The following SEMA4G variants were observed in gnomAD, a reference collection of about 807,000 sequenced individuals.
SEMA4G encodes the protein semaphorin-4G.
SEMA4G carries 59 observed loss-of-function variants against 81.2 expected under a neutral mutation model. The observed-to-expected ratio is 0.73, with a 90% CI of 0.59 to 0.90. SEMA4G has a LOEUF of 0.90. Among genes scored for constraint, SEMA4G ranks in the 40% least tolerant of loss-of-function variants. SEMA4G has a pLI of 0.00. For missense variants in SEMA4G, 952 were observed against 1,102.3 expected (o/e 0.86, Z 1.93); for synonymous variants, 404 against 433.9 (o/e 0.93, Z 0.86).
intron 8 of SEMA4G, 48 bp from the exon 10 acceptor site, chr10:100,979,800 G>C (rs1285527096): frequency 6.2e-7 from 1 of 1,604,468 alleles, no homozygotes; most frequent in African/African-American, 1.3e-5. Flanking sequence ...TTGGGGGGCA[G>C]GCTTGACTCC....
chr10:100,984,047 C>T (rs376187099), exon 14 of SEMA4G: 2 of 1,613,726 alleles, frequency 1.2e-6, no homozygotes, highest in East Asian at 4.5e-5. Flanking sequence ...CAGGGCCCTG[C>T]TCCTTCGCCG....
At chr10:100,981,625 C>T in intron 13 of SEMA4G, 5 of 1,505,756 alleles carry the variant, frequency 3.3e-6, no homozygotes, top group Non-Finnish European at 4.6e-6. Flanking sequence ...CTAAATACTT[C>T]TATGCATGAT....
chr10:100,982,879 G>T (rs74154245), intron 13 of SEMA4G, among the ~76,000 whole-genome samples: 1 of 152,246 alleles, frequency 6.6e-6, no homozygotes, highest in Non-Finnish European at 1.5e-5. Flanking sequence ...GGCTGGTGGT[G>T]CCATTCACAG....
rs1851060573 is a variant in SEMA4G at position 100,981,308 on chromosome 10, TTGTATC to T, written c.1690+82_1690+87del. 8.1e-6 allele frequency: 13 copies of T among 1,598,148 alleles called. No homozygotes were observed. In the South Asian group the frequency reaches 1.4e-4, roughly 18 times the overall value. On this transcript the variant is annotated intron_variant, in intron 13 of 13. Coordinates refer to ENST00000370250, the Ensembl canonical transcript of SEMA4G. Reference sequence around the variant, plus strand: ...TTTACTGCCATGTGTACGTATATGTTTGTATCTGAGTGGCTGTGGCTATGTACATTT... The same window carrying T: ...TTTACTGCCATGTGTACGTATATGTTTGAGTGGCTGTGGCTATGTACATTT...
rs567995095 is a variant in SEMA4G at position 100,984,599 on chromosome 10, C to T, written c.*468C>T. On this transcript the variant is annotated 3_prime_UTR_variant, in exon 14 of 14. Transcript: ENST00000370250. ...ACCTCTGCCAGCCACCTAAGCCCTGCGTACATTCACATGCACACATGGAAG... is the reference window on the plus strand; with the variant it reads ...ACCTCTGCCAGCCACCTAAGCCCTGTGTACATTCACATGCACACATGGAAG... 727 of 1,536,236 alleles carry T rather than the reference C, an allele frequency of 4.7e-4. 11 individuals are homozygous for T. In the South Asian group the frequency reaches 7.9e-3, roughly 17 times the overall value.
intron 4 of SEMA4G, 192 bp from the exon 6 acceptor site, chr10:100,978,103 C>G: frequency 1.7e-6 from 1 of 591,564 alleles, no homozygotes; most frequent in Non-Finnish European, 3.0e-6. Flanking sequence ...AGATTTGGAA[C>G]TCCAAACATA....
At chr10:100,982,381 T>C (rs1190030090) in intron 13 of SEMA4G, among the ~76,000 whole-genome samples, 2 of 152,216 alleles carry the variant, frequency 1.3e-5, no homozygotes, top group East Asian at 3.8e-4. Context: ...GTTTTTAAAA[T>C]ACCTCTCATG....
exon 6 of SEMA4G, chr10:100,978,630 T>A (rs1184542680): frequency 6.2e-7 from 1 of 1,613,524 alleles, no homozygotes; most frequent in Non-Finnish European, 8.5e-7. Flanking sequence ...CACCAATGCA[T>A]TGGCTCAATG....
rs140405167 is a variant in SEMA4G at position 100,983,761 on chromosome 10, G to A, written c.2147G>A (p.Arg716Gln). The A allele has an allele frequency of 2.4e-4, 390 of 1,610,672 alleles. No individual in the cohort carries two copies. In the African/African-American group the frequency reaches 4.1e-3, roughly 17 times the overall value. ...CGCCGACGGAAATACTCACTGGGTC[G>A]GGCCAGCCGGGCAGGAGGATCTGCG... Residue 716 changes from arginine to glutamine, a missense_variant, in exon 14 of 14, where the codon CGG (arginine) becomes CAG (glutamine). By Grantham distance (43) the Arg-to-Gln change is conservative (BLOSUM62 1). This residue lies in a region of SEMA4G where 385 missense variants were observed against 413.5 expected (regional missense o/e 0.93). Transcript: ENST00000370250.
upstream of SEMA4G, among the ~76,000 whole-genome samples, chr10:100,971,648 A>G (rs1203638080): frequency 1.3e-5 from 2 of 151,950 alleles, no homozygotes; most frequent in Non-Finnish European, 2.9e-5. Context: ...GTCTCTCCAC[A>G]CCTCACCCAG....
upstream of SEMA4G, among the ~76,000 whole-genome samples, chr10:100,970,872 C>T (rs142914990): frequency 1.8e-4 from 28 of 152,278 alleles, no homozygotes; most frequent in African/African-American, 6.3e-4. Context: ...GTATAGGACC[C>T]TCCTGTTGAA....
Position 100,984,307 on chromosome 10 carries a change from T to C in SEMA4G, c.*176T>C, listed in dbSNP as rs962745699. On this transcript the variant is annotated 3_prime_UTR_variant, in exon 14 of 14. Coordinates refer to ENST00000370250, the Ensembl canonical transcript of SEMA4G. Reference sequence around the variant, plus strand: ...GGCCCAGCCAAAGCCCCCTCCTCAGTCTCCACAGACCCACATGTGAGCAGC... The same window carrying C: ...GGCCCAGCCAAAGCCCCCTCCTCAGCCTCCACAGACCCACATGTGAGCAGC... The C allele has an allele frequency of 2.8e-6, 4 of 1,438,890 alleles. No individual in the cohort carries two copies. The South Asian group carries it at 4.5e-5, about 16-fold the overall frequency. The allele number at this position is 1,438,890 out of a possible 1,614,324, so 89.1% of individuals were successfully genotyped here.
At chr10:100,978,453 C>T in intron 5 of SEMA4G, 65 bp downstream of exon 6, 5 of 1,594,006 alleles carry the variant, frequency 3.1e-6, no homozygotes, top group Non-Finnish European at 4.3e-6. Context: ...ATCTCTAGGA[C>T]CTGCCACCAT....
intron 6 of SEMA4G, 69 bp from the exon 8 acceptor site, chr10:100,978,780 T>A: frequency 6.3e-7 from 1 of 1,579,110 alleles, no homozygotes; most frequent in East Asian, 2.2e-5. Flanking sequence ...AAGTGAGGGG[T>A]CAGCCTCAGA....
intron 13 of SEMA4G, 33 bp from the exon 15 acceptor site, chr10:100,983,272 G>A (rs762707018): frequency 9.3e-5 from 139 of 1,490,860 alleles, no homozygotes; most frequent in Non-Finnish European, 1.2e-4. Flanking sequence ...TCCTGGGACG[G>A]GCTGGTACTG....
upstream of SEMA4G, among the ~76,000 whole-genome samples, chr10:100,970,080 G>A (rs1333795531): frequency 6.6e-6 from 1 of 152,116 alleles, no homozygotes; most frequent in African/African-American, 2.4e-5. Context: ...TGGGATGAAG[G>A]TCGAGAGCCT....
chr10:100,975,030 A>G (rs1243718629), intron 3 of SEMA4G: 1 of 534,368 alleles, frequency 1.9e-6, no homozygotes, highest in Non-Finnish European at 3.8e-6. Flanking sequence ...TCCGTTTAAA[A>G]AGGCATCTCC....
At chr10:100,978,806 C>T (rs1850917503) in intron 6 of SEMA4G, 43 bp from the exon 8 acceptor site, 3 of 1,602,150 alleles carry the variant, frequency 1.9e-6, no homozygotes, top group Non-Finnish European at 8.5e-7. Flanking sequence ...GGAAAGGAAT[C>T]CCCAGCCTGT....
chr10:100,981,024 A>C, intron 12 of SEMA4G, 27 bp downstream of exon 13: 1 of 1,592,938 alleles, frequency 6.3e-7, no homozygotes, highest in South Asian at 1.1e-5. Context: ...GGTGACAGTC[A>C]CATGTGGTCT....
Sources: gnomAD v4.1 joint callset for allele counts (sites outside exome capture counted in the v4.1 genomes callset) on GRCh38, gnomAD v4.1.1 for gene constraint, gnomAD v4.1.1 regional missense constraint, MANE v1.5 for transcripts, NCBI Gene and HGNC (gene_info 2026-07-23, HGNC 2026-07-21) for gene names.